Variants in PSTPIP1 observed in about 807,000 individuals in gnomAD.
PSTPIP1 encodes the protein proline-serine-threonine phosphatase-interacting protein 1.
In PSTPIP1, 66 loss-of-function variants were observed where a neutral mutation model predicts 69.6. The ratio of observed to expected loss-of-function variants is 0.95; its 90% CI spans 0.78 to 1.16. PSTPIP1 has a LOEUF of 1.16. PSTPIP1 is among the 50% of genes most tolerant of loss of function. The probability of loss-of-function intolerance (pLI) is 0.00; values close to 1 mark genes in which losing one functional copy is unlikely to be tolerated. For synonymous variants in PSTPIP1, 266 were observed against 222.7 expected (o/e 1.19, Z -1.73); for missense variants, 603 against 557.4 (o/e 1.08, Z -0.82).
intron 1 of PSTPIP1, among the ~76,000 whole-genome samples, chr15:77,001,783 G>T (rs557663802): frequency 5.3e-5 from 8 of 152,306 alleles, no homozygotes; most frequent in African/African-American, 1.9e-4. Context: ...TTATACTGGC[G>T]CAGGCTTGTA....
chr15:77,030,862 T>C (rs1336045403), intron 9 of PSTPIP1, among the ~76,000 whole-genome samples: 1 of 152,164 alleles, frequency 6.6e-6, no homozygotes, highest in African/African-American at 2.4e-5. Flanking sequence ...CCTCTCTGGG[T>C]GCTGCCGATG....
At chr15:77,000,373 C>T (rs1457104616) in intron 1 of PSTPIP1, among the ~76,000 whole-genome samples, 1 of 152,010 alleles carries the variant, frequency 6.6e-6, no homozygotes, top group East Asian at 1.9e-4. Context: ...CCTGTCCCTA[C>T]CCCCAGACCT....
intron 1 of PSTPIP1, among the ~76,000 whole-genome samples, chr15:77,013,641 C>T (rs2075989905): frequency 6.6e-6 from 1 of 152,164 alleles, no homozygotes; most frequent in Non-Finnish European, 1.5e-5. Flanking sequence ...TCAGCTTCTC[C>T]TAGGGGCTCC....
intron 12 of PSTPIP1, 58 bp downstream of exon 12, chr15:77,033,010 CCCT>C (rs1426367553): frequency 6.7e-7 from 1 of 1,498,536 alleles, no homozygotes; most frequent in East Asian, 2.4e-5. Context: ...TGGGTCGAGC[CCCT>C]CCTCTGCACC....
intron 1 of PSTPIP1, among the ~76,000 whole-genome samples, chr15:76,997,976 G>A (rs955886887): frequency 5.9e-5 from 9 of 152,286 alleles, no homozygotes; most frequent in African/African-American, 1.7e-4. Flanking sequence ...AGTGGTTCAC[G>A]CCTGTAATCC....
chr15:77,035,207 C>T (rs575354672), intron 12 of PSTPIP1, among the ~76,000 whole-genome samples: 1 of 152,328 alleles, frequency 6.6e-6, no homozygotes, highest in South Asian at 2.1e-4. Context: ...AATGAAGCTA[C>T]AGCTTCGGGG....
intron 3 of PSTPIP1, among the ~76,000 whole-genome samples, chr15:77,020,168 C>T (rs905407806): frequency 1.2e-4 from 19 of 152,064 alleles, no homozygotes; most frequent in Non-Finnish European, 2.8e-4. Flanking sequence ...CCTCAGGAAG[C>T]AGGAGGTACG....
At chr15:77,005,979 T>C (rs1361092412) in intron 1 of PSTPIP1, among the ~76,000 whole-genome samples, 4 of 152,242 alleles carry the variant, frequency 2.6e-5, no homozygotes, top group Non-Finnish European at 4.4e-5. Context: ...AACCCTGCTT[T>C]CAATTCTTTT....
intron 12 of PSTPIP1, among the ~76,000 whole-genome samples, chr15:77,034,008 G>T (rs938344924): frequency 3.9e-5 from 6 of 152,234 alleles, no homozygotes; most frequent in Non-Finnish European, 8.8e-5. Context: ...TATCAGGAAG[G>T]GGCAGAAAGG....
At chr15:77,012,636 T>C (rs1308629259) in intron 1 of PSTPIP1, among the ~76,000 whole-genome samples, 3 of 152,200 alleles carry the variant, frequency 2.0e-5, no homozygotes, top group Non-Finnish European at 4.4e-5. Flanking sequence ...GGGTACTGAC[T>C]GTAGGGCGGT....
At chr15:77,005,471 C>T (rs2075797133) in intron 1 of PSTPIP1, among the ~76,000 whole-genome samples, 1 of 152,194 alleles carries the variant, frequency 6.6e-6, no homozygotes, top group East Asian at 1.9e-4. Context: ...ATTTGACTCA[C>T]CTGAGTGAGC....
At chr15:77,015,922 T>A (rs2076040808) in intron 1 of PSTPIP1, 3 of 455,898 alleles carry the variant, frequency 6.6e-6, no homozygotes, top group Non-Finnish European at 1.3e-5. Context: ...GCCTGCAGCC[T>A]CTGGGGACTT....
At chr15:77,000,381 C>A (rs990221606) in intron 1 of PSTPIP1, among the ~76,000 whole-genome samples, 3 of 151,846 alleles carry the variant, frequency 2.0e-5, no homozygotes, top group African/African-American at 7.3e-5. Flanking sequence ...TACCCCCAGA[C>A]CTGTCTACCA....
intron 7 of PSTPIP1, 91 bp downstream of exon 7, chr15:77,028,743 A>T (rs1295744943): frequency 9.0e-7 from 1 of 1,110,444 alleles, no homozygotes; most frequent in Admixed American, 2.8e-5. Flanking sequence ...CCCAGGCAAG[A>T]TCTGCATCTG....
Position 77,037,388 on chromosome 15 carries a change from A to G in PSTPIP1, c.*212A>G, listed in dbSNP as rs558315961. The G allele has an allele frequency of 1.5e-5, 8 of 540,548 alleles. No individual in the cohort carries two copies. Among genetic ancestry groups the G allele is most frequent in the African/African-American group, 1.3e-4 (7 of 52,004 alleles). 33.5% of individuals were successfully genotyped at this position (540,548 alleles called of 1,614,324 possible). On this transcript the variant is annotated 3_prime_UTR_variant, in exon 15 of 15. Transcript: ENST00000558012. ...CTCCTGCTCCAGTGTCCGAGTGCTC[A>G]GTTCAGAGGAGGCAAAGGAACAAGG... is the stretch of plus-strand genomic sequence containing the variant.
intron 1 of PSTPIP1, among the ~76,000 whole-genome samples, chr15:77,002,950 G>C (rs1482394868): frequency 2.0e-5 from 3 of 152,172 alleles, no homozygotes; most frequent in Admixed American, 2.0e-4. Flanking sequence ...AGGACAAACG[G>C]CACTCAAGGT....
chr15:77,035,369 CATGCCTGG>C lies in PSTPIP1; in HGVS notation c.930-137_930-130del, dbSNP rs995631572. 3.4e-6 allele frequency: 3 copies of C among 879,774 alleles called. No individual in the cohort carries two copies. The African/African-American group carries it at 5.0e-5, about 15-fold the overall frequency. 54.5% of individuals were successfully genotyped at this position (879,774 alleles called of 1,614,324 possible). On this transcript the variant is annotated intron_variant, in intron 12 of 14. Transcript: ENST00000558012. ...TGAGGGGCACCTCATAAATGACATC[CATGCCTGG>C]AGGCTAGGGGCAGTCCCAGCCCTGG... is the stretch of plus-strand genomic sequence containing the variant.
intron 12 of PSTPIP1, 52 bp from the exon 13 acceptor site, chr15:77,035,456 G>C: frequency 6.5e-7 from 1 of 1,527,546 alleles, no homozygotes; most frequent in Non-Finnish European, 8.9e-7. Context: ...CCTCCTGGTG[G>C]GTCCCTGAGT....
Position 77,018,451 on chromosome 15 carries a change from T to C in PSTPIP1, c.138-6T>C, listed in dbSNP as rs765550656. ...GATGATCTTTCAAATGCCCTTTTTT[T>C]TGCAGGGCCCAGGCGGAGGAGCGGT... On this transcript the variant is annotated splice_polypyrimidine_tract_variant and splice_region_variant and intron_variant, in intron 2 of 14. Transcript: ENST00000558012. 7 of 1,573,490 alleles carry C rather than the reference T, an allele frequency of 4.4e-6. No individual in the cohort carries two copies. Among genetic ancestry groups the C allele is most frequent in the Admixed American group, 3.7e-5 (2 of 53,548 alleles).
Sources: allele counts gnomAD v4.1 joint callset (sites outside exome capture counted in the v4.1 genomes callset), GRCh38; gene constraint gnomAD v4.1.1; transcripts MANE v1.5; gene names NCBI Gene and HGNC (gene_info 2026-07-23, HGNC 2026-07-21).